The following MLLT10 variants were observed in gnomAD, a reference collection of about 807,000 sequenced individuals.
The protein encoded by MLLT10 is protein AF-10.
Under a neutral mutation model 129.1 loss-of-function variants are expected in MLLT10, and 30 were observed. That is an observed-to-expected ratio of 0.23 (90% CI 0.17 to 0.32). The LOEUF is 0.32. Among genes scored for constraint, MLLT10 ranks in the 10% least tolerant of loss-of-function variants. The probability of loss-of-function intolerance (pLI) is 1.00; values close to 1 mark genes in which losing one functional copy is unlikely to be tolerated. For missense variants in MLLT10, 1,119 were observed against 1,268.3 expected, an observed-to-expected ratio of 0.88 and a Z score of 1.79; for synonymous variants, 490 against 446.4, an observed-to-expected ratio of 1.10 and a Z score of -1.23.
chr10:21,628,785 CTCCCAGGCT>C (rs2046725030), intron 8 of MLLT10, among the ~76,000 whole-genome samples: 1 of 130,144 alleles, frequency 7.7e-6, no homozygotes, highest in Non-Finnish European at 1.6e-5. Context: ...CTCGCTCTGT[CTCCCAGGCT>C]GGAGTGCGGT....
chr10:21,578,010 C>T (rs2040977906), intron 3 of MLLT10, among the ~76,000 whole-genome samples: 1 of 152,140 alleles, frequency 6.6e-6, no homozygotes, highest in South Asian at 2.1e-4. Flanking sequence ...ATTCTCGTGC[C>T]TCAGCCTCCT....
At chr10:21,675,893 CCTAT>C (rs2052042641) in intron 11 of MLLT10, among the ~76,000 whole-genome samples, 1 of 152,070 alleles carries the variant, frequency 6.6e-6, no homozygotes, top group Non-Finnish European at 1.5e-5. Context: ...AAAATATTTT[CCTAT>C]CTGTTACAGA....
In MLLT10 at chr10:21,594,795, T is replaced by C. The variant is rs556731977; in HGVS notation, c.296-536T>C. ...GTTGCGGTGAGCCGAGATCGCGCCA[T>C]TGCACTCCAGCCTGGGCAACAAGAG... On this transcript the variant is annotated intron_variant, in intron 4 of 22. Coordinates refer to ENST00000307729, the MANE Select transcript of MLLT10 (RefSeq NM_001195626.3). Among the ~76,000 whole-genome samples, 28 of 140,686 alleles carry C rather than the reference T, an allele frequency of 2.0e-4. No homozygotes were observed. In the South Asian group the frequency reaches 5.3e-3, roughly 27 times the overall value. The allele number at this position is 140,686 out of a possible 152,430, so 92.3% of individuals were successfully genotyped here.
chr10:21,681,021 A>T (rs2052686228), intron 11 of MLLT10, among the ~76,000 whole-genome samples: 1 of 152,040 alleles, frequency 6.6e-6, no homozygotes, highest in South Asian at 2.1e-4. Flanking sequence ...TCTCCCATTA[A>T]TGAAGCCTTT....
chr10:21,713,993 C>T, intron 14 of MLLT10, 43 bp downstream of exon 14: 1 of 1,528,302 alleles, frequency 6.5e-7, no homozygotes, highest in Non-Finnish European at 8.8e-7. Flanking sequence ...AGGTGGGTTT[C>T]TCATTTTTAA....
At chr10:21,718,877 C>T (rs2056938343) in intron 14 of MLLT10, among the ~76,000 whole-genome samples, 1 of 152,212 alleles carries the variant, frequency 6.6e-6, no homozygotes, top group Non-Finnish European at 1.5e-5. Flanking sequence ...ACGTGCACCA[C>T]CACGCCTGGC....
chr10:21,726,067 A>T (rs952460457), intron 14 of MLLT10, among the ~76,000 whole-genome samples, 177 bp from the exon 15 acceptor site: 2 of 152,138 alleles, frequency 1.3e-5, no homozygotes, highest in African/African-American at 4.8e-5. Flanking sequence ...TGTAACTTTT[A>T]AAAAATTGAC....
In MLLT10 at chr10:21,704,329, TTCTCTC is replaced by T. The variant is rs1198146694; in HGVS notation, c.1700-9419_1700-9414del. 3.0e-3 allele frequency among the ~76,000 whole-genome samples: 367 copies of T among 121,100 alleles called. 1 individual carries two copies. The highest frequency in any genetic ancestry group is 9.4e-3 in the African/African-American group (290 of 30,898). The allele number at this position is 121,100 out of a possible 152,430, so 79.4% of individuals were successfully genotyped here. ...CAGCCTCTGTTTTGTTCTTTTTAAA[TTCTCTC>T]TCTCTCTCTCTCTCTCTCTCTCTAT... On this transcript the variant is annotated intron_variant, in intron 13 of 22. Transcript: ENST00000307729.
At chr10:21,539,704 G>C (rs908625933) in intron 3 of MLLT10, among the ~76,000 whole-genome samples, 3 of 152,182 alleles carry the variant, frequency 2.0e-5, no homozygotes, top group Non-Finnish European at 4.4e-5. Context: ...GGGAGGTAGA[G>C]GTTGCAGTGA....
intron 4 of MLLT10, among the ~76,000 whole-genome samples, chr10:21,590,041 C>A (rs1159046495): frequency 6.6e-6 from 1 of 152,092 alleles, no homozygotes; most frequent in East Asian, 1.9e-4. Flanking sequence ...TCAAGTGATC[C>A]TTCTGCCTCA....
Position 21,717,900 on chromosome 10 carries a change from C to CCTCCTCCTCCTT in MLLT10, c.1878+3956_1878+3967dup, listed in dbSNP as rs1250406669. 1.5e-4 allele frequency among the ~76,000 whole-genome samples: 13 copies of CCTCCTCCTCCTT among 85,242 alleles called. No homozygotes were observed. In the South Asian group the frequency reaches 5.6e-3, roughly 37 times the overall value. 55.9% of individuals were successfully genotyped at this position (85,242 alleles called of 152,430 possible). ...TTCTCCTCCTCCTTCTCCTCCTCCT[C>CCTCCTCCTCCTT]CTCCTCCTCCTTCTCCTTCTCCTTC... On this transcript the variant is annotated intron_variant, in intron 14 of 22. Coordinates refer to ENST00000307729, the MANE Select transcript of MLLT10 (RefSeq NM_001195626.3).
At chr10:21,586,255 T>C (rs1439792563) in intron 3 of MLLT10, 39 bp from the exon 4 acceptor site, 2 of 1,466,746 alleles carry the variant, frequency 1.4e-6, no homozygotes, top group Non-Finnish European at 1.9e-6. Flanking sequence ...TTTGATAATC[T>C]GAAATATTCA....
chr10:21,558,514 A>G (rs1161574513), intron 3 of MLLT10, among the ~76,000 whole-genome samples: 1 of 151,820 alleles, frequency 6.6e-6, no homozygotes, highest in Non-Finnish European at 1.5e-5. Flanking sequence ...TGAACTAAAT[A>G]TATGACTGAG....
intron 21 of MLLT10, 93 bp downstream of exon 21, chr10:21,735,328 C>G: frequency 9.0e-7 from 1 of 1,112,342 alleles, no homozygotes; most frequent in South Asian, 1.4e-5. Flanking sequence ...TGTGAAATAA[C>G]ATTATTGAAT....
chr10:21,714,347 T>A (rs530000334), intron 14 of MLLT10, among the ~76,000 whole-genome samples: 2 of 152,042 alleles, frequency 1.3e-5, no homozygotes, highest in Non-Finnish European at 2.9e-5. Context: ...TTTAAAGTTT[T>A]AAAAAAAACC....
At position 21,713,545 on chromosome 10, in the gene MLLT10, C is replaced by A. The variant is rs559052419; in HGVS notation, c.1700-227C>A. Among the ~76,000 whole-genome samples the A allele has an allele frequency of 8.3e-4, 127 of 152,290 alleles. 1 individual carries two copies. Among genetic ancestry groups the A allele is most frequent in the Non-Finnish European group, 1.4e-3 (97 of 68,006 alleles). On this transcript the variant is annotated intron_variant, in intron 13 of 22. Coordinates refer to ENST00000307729, the MANE Select transcript of MLLT10 (RefSeq NM_001195626.3). The stretch of plus-strand genomic sequence containing the variant: ...TCTTTCTGCTATCCCCTGCTTTTAA[C>A]AAAAGCCTTTTTGCTAAATAAAAAT...
At chr10:21,533,957 C>G (rs1368387467), upstream of MLLT10, among the ~76,000 whole-genome samples, 1 of 152,108 alleles carries the variant, frequency 6.6e-6, no homozygotes, top group Non-Finnish European at 1.5e-5. Context: ...GGCCTCTTCC[C>G]GACGCTCACA....
intron 3 of MLLT10, 90 bp from the exon 4 acceptor site, chr10:21,586,204 C>T (rs1348517427): frequency 8.0e-6 from 8 of 998,436 alleles, no homozygotes; most frequent in Non-Finnish European, 1.1e-5. Context: ...GCTGCTCTCA[C>T]ATTTTCAGTA....
At chr10:21,588,924 A>G (rs1015423700) in intron 4 of MLLT10, among the ~76,000 whole-genome samples, 6 of 151,490 alleles carry the variant, frequency 4.0e-5, no homozygotes, top group African/African-American at 1.5e-4. Flanking sequence ...CCCCCTTTCA[A>G]GGGACTCTCC....
Sources: allele counts gnomAD v4.1 joint callset (sites outside exome capture counted in the v4.1 genomes callset), GRCh38; gene constraint gnomAD v4.1.1; transcripts MANE v1.5; gene names NCBI Gene and HGNC (gene_info 2026-07-23, HGNC 2026-07-21).